Variants in NCAM1 observed in about 807,000 individuals in gnomAD.
NCAM1 encodes the protein neural cell adhesion molecule 1, also known as antigen recognized by monoclonal antibody 5.1H11.
A neutral mutation model predicts 109.8 loss-of-function variants in NCAM1; 14 were observed. That is an observed-to-expected ratio of 0.13 (90% CI 0.08 to 0.20). The LOEUF is 0.20. NCAM1 is among the 10% of genes least tolerant of loss of function. The pLI, the probability that NCAM1 is intolerant of heterozygous loss-of-function variation, is 1.00. For synonymous variants in NCAM1, 418 were observed against 442.9 expected (o/e 0.94, Z 0.70); for missense variants, 774 against 1,109.9 (o/e 0.70, Z 4.30).
intron 1 of NCAM1, among the ~76,000 whole-genome samples, chr11:113,136,785 C>T (rs574263165): frequency 1.4e-4 from 22 of 152,236 alleles, no homozygotes; most frequent in African/African-American, 4.8e-4. Context: ...CTTCCAATTC[C>T]TTAATCCTGA....
intron 1 of NCAM1, among the ~76,000 whole-genome samples, chr11:113,041,574 G>A (rs1056109078): frequency 1.3e-5 from 2 of 152,108 alleles, no homozygotes; most frequent in African/African-American, 4.8e-5. Context: ...AACTTGATGC[G>A]AACCAATGGT....
intron 1 of NCAM1, among the ~76,000 whole-genome samples, chr11:113,054,086 T>C (rs1953607898): frequency 6.6e-6 from 1 of 152,308 alleles, no homozygotes; most frequent in South Asian, 2.1e-4. Context: ...AAGTATCTCA[T>C]GTCCAAAGAT....
At chr11:113,263,305 T>TA (rs1555123750) in intron 17 of NCAM1, 2 of 1,013,356 alleles carry the variant, frequency 2.0e-6, no homozygotes, top group African/African-American at 3.4e-5. Flanking sequence ...AAGTACCTTC[T>TA]AAAGCTTGTG....
At position 113,205,511 on chromosome 11, in the gene NCAM1, T is replaced by C. The variant is rs1555112696; in HGVS notation, c.347-12T>C. ...GCAGCTGTTTTCCCTCACTCTTCTG[T>C]TCATCTTCCAGAGAAGCTCATGTTC... is the stretch of plus-strand genomic sequence containing the variant. On this transcript the variant is annotated splice_polypyrimidine_tract_variant and intron_variant, in intron 3 of 19. Transcript: ENST00000316851. The C allele has an allele frequency of 6.2e-7, 1 of 1,608,620 alleles. No homozygotes were observed. Among genetic ancestry groups the C allele is most frequent in the South Asian group, 1.1e-5 (1 of 89,918 alleles).
intron 1 of NCAM1, among the ~76,000 whole-genome samples, chr11:113,009,302 G>C (rs1029869867): frequency 9.2e-6 from 1 of 108,774 alleles, no homozygotes; most frequent in Non-Finnish European, 1.9e-5. Flanking sequence ...AATTGGAAGG[G>C]TTTTTTCGGG....
At chr11:113,141,085 AAGC>A (rs1399457214) in intron 1 of NCAM1, among the ~76,000 whole-genome samples, 1 of 152,202 alleles carries the variant, frequency 6.6e-6, no homozygotes, top group Non-Finnish European at 1.5e-5. Flanking sequence ...TCTTTTTTGT[AAGC>A]CAGCTGTTCA....
At chr11:113,175,792 C>T (rs1943126221) in intron 1 of NCAM1, among the ~76,000 whole-genome samples, 1 of 151,950 alleles carries the variant, frequency 6.6e-6, no homozygotes, top group African/African-American at 2.4e-5. Flanking sequence ...CATATTTATG[C>T]ACATGTATAA....
chr11:113,263,498 C>A, intron 17 of NCAM1: 1 of 985,774 alleles, frequency 1.0e-6, no homozygotes, highest in Non-Finnish European at 1.2e-6. Context: ...ACCCCTGTTG[C>A]CCATGCACTG....
At chr11:113,088,683 A>G (rs1305852527) in intron 1 of NCAM1, among the ~76,000 whole-genome samples, 1 of 152,186 alleles carries the variant, frequency 6.6e-6, no homozygotes, top group Non-Finnish European at 1.5e-5. Flanking sequence ...ATGGACTTTT[A>G]TAGGCTACAG....
chr11:113,137,675 G>T (rs1555099724), intron 1 of NCAM1, among the ~76,000 whole-genome samples: 1 of 152,142 alleles, frequency 6.6e-6, no homozygotes, highest in Non-Finnish European at 1.5e-5. Flanking sequence ...AATTCATTAT[G>T]GTGCACAACT....
rs1950559129 is a variant in NCAM1 at position 112,961,564 on chromosome 11, G to GC, written c.-48dup. The GC allele has an allele frequency of 8.5e-7, 1 of 1,180,204 alleles. No homozygotes were observed. Among genetic ancestry groups the GC allele is most frequent in the East Asian group, 2.3e-5 (1 of 42,798 alleles). 73.1% of individuals were successfully genotyped at this position (1,180,204 alleles called of 1,614,324 possible). On this transcript the variant is annotated 5_prime_UTR_variant, in exon 1 of 20. Coordinates refer to ENST00000316851, the MANE Select transcript of NCAM1 (RefSeq NM_181351.5). ...GTCCACACTCGCTGCAGGGGGGGGGGCACAGAATTTACCGCGGCAAGAACA... is the reference window on the plus strand; with the variant it reads ...GTCCACACTCGCTGCAGGGGGGGGGGCCACAGAATTTACCGCGGCAAGAACA...
intron 1 of NCAM1, among the ~76,000 whole-genome samples, chr11:113,107,675 G>A (rs1565440602): frequency 1.3e-5 from 2 of 152,086 alleles, no homozygotes; most frequent in African/African-American, 4.8e-5. Context: ...TTACCACGAG[G>A]ACAGTATGGA....
At chr11:113,241,425 C>A (rs1945321914) in intron 14 of NCAM1, among the ~76,000 whole-genome samples, 1 of 152,172 alleles carries the variant, frequency 6.6e-6, no homozygotes, top group African/African-American at 2.4e-5. Flanking sequence ...CACAAGTGAG[C>A]CTTGTTTATC....
chr11:113,192,735 G>A (rs1217863824), intron 1 of NCAM1, among the ~76,000 whole-genome samples: 1 of 152,154 alleles, frequency 6.6e-6, no homozygotes, highest in South Asian at 2.1e-4. Context: ...TCAGGACAAC[G>A]GCCAACCCTG....
Position 112,965,019 on chromosome 11 carries a change from T to G in NCAM1, c.52+3355T>G, listed in dbSNP as rs1038542994. On this transcript the variant is annotated intron_variant, in intron 1 of 19. Coordinates refer to ENST00000316851, the MANE Select transcript of NCAM1 (RefSeq NM_181351.5). ...AGTTAATGCTTTATGAACGCCCTCT[T>G]TCTTTCCCTAAATTGTTGAACCTGA... is the stretch of plus-strand genomic sequence containing the variant. 4.6e-5 allele frequency among the ~76,000 whole-genome samples: 7 copies of G among 152,298 alleles called. No homozygotes were observed. In the East Asian group the frequency reaches 1.3e-3, roughly 29 times the overall value.
chr11:113,089,716 A>G (rs1402536834), intron 1 of NCAM1, among the ~76,000 whole-genome samples: 10 of 152,242 alleles, frequency 6.6e-5, no homozygotes, highest in Non-Finnish European at 1.5e-4. Context: ...GAAAAAGAAC[A>G]GAATGTTTTA....
At position 113,270,235 on chromosome 11, in the gene NCAM1, A is replaced by C; in HGVS notation, c.2179A>C (p.Ile727Leu). 1 of 1,614,014 alleles carries C rather than the reference A, an allele frequency of 6.2e-7. No individual in the cohort carries two copies. The highest frequency in any genetic ancestry group is 8.5e-7 in the Non-Finnish European group (1 of 1,179,894). The change falls in exon 18 of 20, where the codon ATC becomes CTC. Residue 727 changes from isoleucine to leucine, a missense_variant. Physicochemically the swap from Ile to Leu is conservative, Grantham distance 5. Transcript: ENST00000316851. ...CCTGAGCACCGGGGCCATCGTGGGCATCCTCATCGTCATCTTCGTCCTGCT... is the reference window on the plus strand; with the variant it reads ...CCTGAGCACCGGGGCCATCGTGGGCCTCCTCATCGTCATCTTCGTCCTGCT... ...SGLSTGAIVG[I>L]LIVIFVLLLV...
At chr11:113,098,530 C>A (rs1422020600) in intron 1 of NCAM1, among the ~76,000 whole-genome samples, 1 of 151,988 alleles carries the variant, frequency 6.6e-6, no homozygotes, top group East Asian at 1.9e-4. Flanking sequence ...ATATGGCAGG[C>A]AGGCTGTAAG....
intron 1 of NCAM1, among the ~76,000 whole-genome samples, chr11:113,192,158 C>T (rs960541743): frequency 3.3e-5 from 5 of 152,136 alleles, no homozygotes; most frequent in Admixed American, 6.5e-5. Context: ...AGAACATCGA[C>T]GAGTCATTTT....
Sources: gnomAD v4.1 joint callset for allele counts (sites outside exome capture counted in the v4.1 genomes callset) on GRCh38, gnomAD v4.1.1 for gene constraint, MANE v1.5 for transcripts, NCBI Gene and HGNC (gene_info 2026-07-23, HGNC 2026-07-21) for gene names.